UBE2E2: variants seen among roughly 807,000 people sequenced by gnomAD.
The protein encoded by UBE2E2 is ubiquitin-conjugating enzyme E2 E2.
A neutral mutation model predicts 24.7 loss-of-function variants in UBE2E2; 6 were observed. That is an observed-to-expected ratio of 0.24 (90% CI 0.13 to 0.48). UBE2E2 has a LOEUF of 0.48. UBE2E2 is among the 20% of genes least tolerant of loss of function. The pLI, the probability that UBE2E2 is intolerant of heterozygous loss-of-function variation, is 0.99. For missense variants in UBE2E2, 169 were observed against 245.0 expected (o/e 0.69, Z 2.07); for synonymous variants, 104 against 83.6 (o/e 1.24, Z -1.33).
chr3:23,579,962 G>A (rs1285249648), intron 5 of UBE2E2, among the ~76,000 whole-genome samples: 1 of 152,140 alleles, frequency 6.6e-6, no homozygotes, highest in Non-Finnish European at 1.5e-5. Flanking sequence ...CAGATGTAAT[G>A]GAAATAGCAA....
intron 3 of UBE2E2, among the ~76,000 whole-genome samples, chr3:23,324,012 C>A (rs1308134525): frequency 2.6e-5 from 4 of 152,112 alleles, no homozygotes; most frequent in African/African-American, 7.2e-5. Context: ...ATGGTACATG[C>A]TTGATGTGTG....
chr3:23,373,526 C>A (rs1696445928), intron 3 of UBE2E2, among the ~76,000 whole-genome samples: 1 of 152,132 alleles, frequency 6.6e-6, no homozygotes, highest in South Asian at 2.1e-4. Context: ...ATGGAAAACA[C>A]TTCCAGTTAA....
At chr3:23,273,051 C>CA (rs1559328989) in intron 3 of UBE2E2, among the ~76,000 whole-genome samples, 1 of 152,094 alleles carries the variant, frequency 6.6e-6, no homozygotes, top group Non-Finnish European at 1.5e-5. Flanking sequence ...TTTATCTCAT[C>CA]AAAAAACACC....
At chr3:23,249,227 GCACCAC>G in intron 3 of UBE2E2, among the ~76,000 whole-genome samples, 1 of 149,892 alleles carries the variant, frequency 6.7e-6, no homozygotes, top group East Asian at 2.0e-4. Flanking sequence ...AGCCGAGATT[GCACCAC>G]CACACCCCAG....
chr3:23,262,459 T>C (rs1006331557), intron 3 of UBE2E2, among the ~76,000 whole-genome samples: 1 of 152,102 alleles, frequency 6.6e-6, no homozygotes, highest in Non-Finnish European at 1.5e-5. Context: ...AAAATGTTTT[T>C]TTGTGGAGAT....
intron 3 of UBE2E2, among the ~76,000 whole-genome samples, chr3:23,485,295 T>C (rs1038396858): frequency 6.6e-6 from 1 of 151,966 alleles, no homozygotes; most frequent in African/African-American, 2.4e-5. Flanking sequence ...AAGGTTTCAC[T>C]GTGTTGGCCA....
intron 4 of UBE2E2, among the ~76,000 whole-genome samples, chr3:23,520,295 G>A (rs1694833709): frequency 6.6e-6 from 1 of 152,136 alleles, no homozygotes; most frequent in South Asian, 2.1e-4. Context: ...CAGGATGAGT[G>A]TGAAGATTAT....
At chr3:23,263,320 T>C (rs886539741) in intron 3 of UBE2E2, among the ~76,000 whole-genome samples, 6 of 152,252 alleles carry the variant, frequency 3.9e-5, no homozygotes, top group African/African-American at 2.4e-5. Context: ...GTGAAGATAC[T>C]GTATTTAACT....
intron 3 of UBE2E2, among the ~76,000 whole-genome samples, chr3:23,304,160 C>G (rs562207834): frequency 6.6e-6 from 1 of 152,136 alleles, no homozygotes; most frequent in Non-Finnish European, 1.5e-5. Context: ...TAAAACTAAC[C>G]TTAGCAGGCC....
intron 3 of UBE2E2, among the ~76,000 whole-genome samples, chr3:23,308,768 T>C (rs1376796040): frequency 6.6e-6 from 1 of 152,122 alleles, no homozygotes; most frequent in Non-Finnish European, 1.5e-5. Context: ...AGCCCCGCCA[T>C]AGGCCATCTG....
chr3:23,348,362 A>AT (rs1037925934), intron 3 of UBE2E2, among the ~76,000 whole-genome samples: 1 of 151,934 alleles, frequency 6.6e-6, no homozygotes, highest in Admixed American at 6.6e-5. Flanking sequence ...AAAAAAAAAA[A>AT]AAGAATAGTC....
chr3:23,344,516 C>G (rs946503597), intron 3 of UBE2E2, among the ~76,000 whole-genome samples: 1 of 151,446 alleles, frequency 6.6e-6, no homozygotes, highest in Non-Finnish European at 1.5e-5. Context: ...TTTCCACTTT[C>G]CAGTCTCTCC....
Position 23,589,241 on chromosome 3 carries a change from C to A in UBE2E2, c.509-493C>A, listed in dbSNP as rs1696702318. Among the ~76,000 whole-genome samples, 1 of 151,544 alleles carries A rather than the reference C, an allele frequency of 6.6e-6. No individual in the cohort carries two copies. Among genetic ancestry groups the A allele is most frequent in the Non-Finnish European group, 1.5e-5 (1 of 67,886 alleles). On this transcript the variant is annotated intron_variant, in intron 5 of 5. Coordinates refer to ENST00000396703, the MANE Select transcript of UBE2E2 (RefSeq NM_152653.4). This position sits in a 1 kb window ranked among gnomAD's most constrained non-coding sequence, Gnocchi z 4.1. ...GACTATCCTGGACAACATAGTGAGA[C>A]CCCCAAAATTACAAAAAAAAATTTG... is the stretch of plus-strand genomic sequence containing the variant.
At chr3:23,439,226 C>CT (rs1339354897) in intron 3 of UBE2E2, among the ~76,000 whole-genome samples, 1 of 152,224 alleles carries the variant, frequency 6.6e-6, no homozygotes. Context: ...TAACCTGAGA[C>CT]TTTCCCTTCA....
At chr3:23,266,334 C>A (rs1262064253) in intron 3 of UBE2E2, among the ~76,000 whole-genome samples, 1 of 152,150 alleles carries the variant, frequency 6.6e-6, no homozygotes, top group Non-Finnish European at 1.5e-5. Context: ...TCTTTTAGGG[C>A]AGGCCTGGTG....
intron 3 of UBE2E2, among the ~76,000 whole-genome samples, chr3:23,267,005 C>A (rs1334105235): frequency 9.9e-4 from 151 of 151,984 alleles, no homozygotes; most frequent in Non-Finnish European, 1.1e-3. Context: ...TTTGAAACCA[C>A]TGAGAACAAA....
chr3:23,409,228 A>G (rs796195381), intron 3 of UBE2E2, among the ~76,000 whole-genome samples: 2 of 152,198 alleles, frequency 1.3e-5, no homozygotes, highest in African/African-American at 2.4e-5. Context: ...TCAACACAAC[A>G]TCACTAAAGC....
chr3:23,529,801 T>A (rs1408663128), intron 4 of UBE2E2, among the ~76,000 whole-genome samples: 1 of 152,246 alleles, frequency 6.6e-6, no homozygotes, highest in Non-Finnish European at 1.5e-5. Context: ...CTCTGTTTCA[T>A]TAACTTAGGC....
At chr3:23,517,784 T>C (rs1481626907) in intron 4 of UBE2E2, among the ~76,000 whole-genome samples, 1 of 152,206 alleles carries the variant, frequency 6.6e-6, no homozygotes, top group East Asian at 1.9e-4. Context: ...TGCAGTTGTT[T>C]GCTTCTAAAA....
Sources: gnomAD v4.1 joint callset for allele counts (sites outside exome capture counted in the v4.1 genomes callset) on GRCh38, gnomAD v4.1.1 for gene constraint, Gnocchi (gnomAD v3.1) non-coding constraint, MANE v1.5 for transcripts, NCBI Gene and HGNC (gene_info 2026-07-23, HGNC 2026-07-21) for gene names.